Variants in NAV2 observed in about 807,000 individuals in gnomAD.
The protein encoded by NAV2 is helicase, APC down-regulated 1.
A neutral mutation model predicts 223.2 loss-of-function variants in NAV2; 54 were observed. The ratio of observed to expected loss-of-function variants is 0.24; its 90% CI spans 0.19 to 0.30. The LOEUF (loss-of-function observed/expected upper bound fraction) is 0.30. Ranked by LOEUF, NAV2 falls within the 10% of genes least tolerant of loss-of-function variation. The probability of loss-of-function intolerance (pLI) is 1.00; values close to 1 mark genes in which losing one functional copy is unlikely to be tolerated. For synonymous variants in NAV2, 1,279 were observed against 1,239.3 expected (o/e 1.03, Z -0.67); for missense variants, 2,806 against 3,147.5 (o/e 0.89, Z 2.60).
At chr11:19,653,124 T>C (rs2048017131) in intron 1 of NAV2, among the ~76,000 whole-genome samples, 1 of 152,176 alleles carries the variant, frequency 6.6e-6, no homozygotes, top group Admixed American at 6.5e-5. Context: ...GCTGTTGGCC[T>C]TAATAGCATG....
At chr11:19,827,841 C>G (rs887897191) in intron 1 of NAV2, among the ~76,000 whole-genome samples, 1 of 149,904 alleles carries the variant, frequency 6.7e-6, no homozygotes, top group Non-Finnish European at 1.5e-5. Context: ...TGTGGTGCAC[C>G]GGCCTGTAAT....
At chr11:19,831,069 C>T (rs1483894348) in intron 1 of NAV2, among the ~76,000 whole-genome samples, 1 of 151,874 alleles carries the variant, frequency 6.6e-6, no homozygotes, top group Non-Finnish European at 1.5e-5. Context: ...CAGCTCTCAT[C>T]TCTTCAGGAA....
chr11:19,937,011 G>A (rs543331100), intron 7 of NAV2, among the ~76,000 whole-genome samples: 13 of 152,196 alleles, frequency 8.5e-5, no homozygotes, highest in African/African-American at 2.6e-4. Flanking sequence ...GGTGGTGCAC[G>A]CCTGTAGTCC....
chr11:19,709,546 CAAAAAAAAAAAA>C (rs3043492), upstream of NAV2, among the ~76,000 whole-genome samples: 3 of 63,156 alleles, frequency 4.8e-5, no homozygotes, highest in African/African-American at 1.3e-4. Context: ...GACTCCGTCT[CAAAAAAAAAAAA>C]AAAAAAAAAA....
intron 1 of NAV2, among the ~76,000 whole-genome samples, chr11:19,617,956 ACT>A (rs2046847548): frequency 6.6e-6 from 1 of 151,240 alleles, no homozygotes; most frequent in South Asian, 2.1e-4. Context: ...TGACTCACTC[ACT>A]CTCTCCTTCA....
intron 1 of NAV2, among the ~76,000 whole-genome samples, chr11:19,814,435 T>TGG (rs1409187709): frequency 3.3e-5 from 5 of 152,178 alleles, no homozygotes; most frequent in African/African-American, 1.2e-4. Flanking sequence ...CTGGAAGGCA[T>TGG]CTGTACCCAT....
chr11:19,709,547 A>C (rs1371886329), upstream of NAV2, among the ~76,000 whole-genome samples: 11 of 2,654 alleles, frequency 4.1e-3, no homozygotes, highest in African/African-American at 7.9e-3. Flanking sequence ...ACTCCGTCTC[A>C]AAAAAAAAAA....
At chr11:19,390,135 A>G (rs577852771) in intron 1 of NAV2, among the ~76,000 whole-genome samples, 1 of 152,326 alleles carries the variant, frequency 6.6e-6, no homozygotes, top group East Asian at 1.9e-4. Context: ...CGCAGTGTCC[A>G]TTCCAGGATC....
chr11:19,412,480 C>A (rs1400688359), intron 1 of NAV2, among the ~76,000 whole-genome samples: 1 of 151,120 alleles, frequency 6.6e-6, no homozygotes, highest in South Asian at 2.2e-4. Flanking sequence ...GGGGAAGGGG[C>A]GGCTGTGGGC....
chr11:19,579,864 A>G (rs1436433895), intron 1 of NAV2, among the ~76,000 whole-genome samples: 8 of 152,208 alleles, frequency 5.3e-5, no homozygotes, highest in African/African-American at 1.9e-4. Flanking sequence ...GGCTCTGAGA[A>G]GGCCTCTGTC....
chr11:20,036,287 G>T (rs986748910), intron 12 of NAV2, among the ~76,000 whole-genome samples, 190 bp downstream of exon 12: 1 of 152,200 alleles, frequency 6.6e-6, no homozygotes, highest in Non-Finnish European at 1.5e-5. Context: ...GTCAGGCAGC[G>T]GATGGTGGAC....
At chr11:19,425,006 G>A (rs377516401) in intron 1 of NAV2, among the ~76,000 whole-genome samples, 14 of 152,166 alleles carry the variant, frequency 9.2e-5, no homozygotes, top group African/African-American at 1.7e-4. Flanking sequence ...TCATTCTATG[G>A]TAACCTGGGC....
chr11:19,833,937 A>G (rs531695341), intron 2 of NAV2, among the ~76,000 whole-genome samples: 2 of 152,268 alleles, frequency 1.3e-5, no homozygotes, highest in African/African-American at 4.8e-5. Flanking sequence ...TGCTTCCTCA[A>G]TGCCAGCATG....
intron 1 of NAV2, among the ~76,000 whole-genome samples, chr11:19,687,794 TGTGTG>T (rs2049065493): frequency 6.6e-6 from 1 of 152,088 alleles, no homozygotes; most frequent in East Asian, 1.9e-4. Flanking sequence ...CGTGTGTGTG[TGTGTG>T]TGTGAACTTT....
At chr11:19,737,231 GAGACTT>G (rs970561664) in intron 1 of NAV2, among the ~76,000 whole-genome samples, 19 of 152,348 alleles carry the variant, frequency 1.2e-4, no homozygotes, top group Admixed American at 8.5e-4. Flanking sequence ...CCACTGGAAA[GAGACTT>G]AGAGAATTTC....
chr11:19,720,230 C>G (rs2152355612), intron 1 of NAV2, among the ~76,000 whole-genome samples: 1 of 152,356 alleles, frequency 6.6e-6, no homozygotes, highest in Non-Finnish European at 1.5e-5. Context: ...ACAATGTGTT[C>G]CTAGAATGGC....
At chr11:20,046,780 T>G (rs1047297271) in intron 14 of NAV2, among the ~76,000 whole-genome samples, 9 of 152,234 alleles carry the variant, frequency 5.9e-5, no homozygotes, top group Non-Finnish European at 1.3e-4. Flanking sequence ...ATTCAGCTTT[T>G]GCCTGTTCGT....
chr11:19,713,102 C>T lies in NAV2; in HGVS notation c.-594C>T, dbSNP rs942899061. On this transcript the variant is annotated 5_prime_UTR_variant, in exon 1 of 38. Transcript: ENST00000349880. This position sits in a 1 kb window ranked among gnomAD's most constrained non-coding sequence, Gnocchi z 7.2. ...CTCTTGCCGCACCTCTGCTGCGTCG[C>T]GGGTGACACTGCGGTGCTCGCGAGC... Among the ~76,000 whole-genome samples the T allele has an allele frequency of 2.0e-5, 3 of 152,018 alleles. No homozygotes were observed. Among genetic ancestry groups the T allele is most frequent in the Non-Finnish European group, 2.9e-5 (2 of 67,986 alleles).
At chr11:19,986,360 C>T (rs1407402184) in intron 11 of NAV2, among the ~76,000 whole-genome samples, 3 of 152,222 alleles carry the variant, frequency 2.0e-5, no homozygotes, top group African/African-American at 4.8e-5. Context: ...TGGCTCACGC[C>T]TGTAATCTCA....
Sources: gnomAD v4.1 joint callset for allele counts (sites outside exome capture counted in the v4.1 genomes callset) on GRCh38, gnomAD v4.1.1 for gene constraint, Gnocchi (gnomAD v3.1) non-coding constraint, MANE v1.5 for transcripts, NCBI Gene and HGNC (gene_info 2026-07-23, HGNC 2026-07-21) for gene names.